NREP: variants seen among roughly 807,000 people sequenced by gnomAD.
The protein encoded by NREP is neuronal regeneration-related protein.
NREP carries 5 observed loss-of-function variants against 8.6 expected under a neutral mutation model. The ratio of observed to expected loss-of-function variants is 0.58; its 90% CI spans 0.30 to 1.22. NREP has a LOEUF of 1.22. Ranked by LOEUF, NREP falls within the 50% of genes most tolerant of loss-of-function variation. The pLI is 0.07. For synonymous variants in NREP, 27 were observed against 28.0 expected, an observed-to-expected ratio of 0.96 and a Z score of 0.11; for missense variants, 86 against 82.5, an observed-to-expected ratio of 1.04 and a Z score of -0.17.
chr5:111,910,826 C>T (rs1483487787), intron 2 of NREP, among the ~76,000 whole-genome samples: 1 of 152,020 alleles, frequency 6.6e-6, no homozygotes, highest in Non-Finnish European at 1.5e-5. Context: ...CTTATTAAAG[C>T]AAAAGTTTCA....
chr5:111,943,189 G>A (rs971572199), intron 2 of NREP, among the ~76,000 whole-genome samples: 1 of 152,020 alleles, frequency 6.6e-6, no homozygotes, highest in Non-Finnish European at 1.5e-5. Context: ...AAAGCTGCCT[G>A]CTATTAGTCA....
At chr5:111,936,577 A>G (rs1755689150) in intron 2 of NREP, among the ~76,000 whole-genome samples, 1 of 152,084 alleles carries the variant, frequency 6.6e-6, no homozygotes, top group Admixed American at 6.6e-5. Flanking sequence ...TATCTGCAAC[A>G]ATCCTATTTC....
At chr5:111,828,493 A>G (rs894006309) in intron 2 of NREP, among the ~76,000 whole-genome samples, 7 of 152,054 alleles carry the variant, frequency 4.6e-5, no homozygotes, top group Admixed American at 2.6e-4. Context: ...AAAAACCACA[A>G]ACAAATATTA....
At chr5:111,898,148 G>A (rs747994972) in intron 2 of NREP, among the ~76,000 whole-genome samples, 5 of 152,142 alleles carry the variant, frequency 3.3e-5, no homozygotes, top group Non-Finnish European at 7.4e-5. Flanking sequence ...TTTGAGCAGA[G>A]CAGTGGCGTA....
chr5:111,967,526 G>T (rs987261795), intron 2 of NREP, among the ~76,000 whole-genome samples: 3 of 152,120 alleles, frequency 2.0e-5, no homozygotes, highest in Non-Finnish European at 4.4e-5. Flanking sequence ...CATCAAGATT[G>T]ATTTTTCACT....
At chr5:111,865,687 T>C (rs1190357727) in intron 2 of NREP, among the ~76,000 whole-genome samples, 2 of 152,054 alleles carry the variant, frequency 1.3e-5, no homozygotes, top group African/African-American at 2.4e-5. Flanking sequence ...GTCATCAGAG[T>C]TCCTGTCTTT....
intron 2 of NREP, among the ~76,000 whole-genome samples, chr5:111,908,666 C>T (rs1173094456): frequency 4.0e-5 from 6 of 151,610 alleles, no homozygotes; most frequent in Admixed American, 6.6e-5. Context: ...TTTTTTAATC[C>T]GATCCTCTGT....
At chr5:111,750,698 C>T (rs558859428) in intron 2 of NREP, among the ~76,000 whole-genome samples, 104 of 152,330 alleles carry the variant, frequency 6.8e-4, no homozygotes, top group African/African-American at 2.5e-3. Context: ...GAAATAGCTT[C>T]TACTGAACTA....
intron 2 of NREP, among the ~76,000 whole-genome samples, chr5:111,815,980 CAT>C (rs1266329276): frequency 9.2e-5 from 14 of 152,190 alleles, no homozygotes; most frequent in African/African-American, 1.2e-4. Flanking sequence ...GAATAAAAGA[CAT>C]ATGGCTTTCA....
chr5:111,763,666 A>G (rs563616071), intron 2 of NREP, among the ~76,000 whole-genome samples: 1 of 152,248 alleles, frequency 6.6e-6, no homozygotes, highest in African/African-American at 2.4e-5. Flanking sequence ...GATCTGCATC[A>G]TGGTACAAAA....
chr5:111,968,551 T>A (rs1756711182), intron 2 of NREP, among the ~76,000 whole-genome samples: 3 of 152,158 alleles, frequency 2.0e-5, no homozygotes, highest in African/African-American at 7.2e-5. Context: ...GATTTTTGGC[T>A]CTGTATAAGG....
chr5:111,795,311 T>A (rs770027245), intron 2 of NREP, among the ~76,000 whole-genome samples: 1 of 152,206 alleles, frequency 6.6e-6, no homozygotes, highest in African/African-American at 2.4e-5. Context: ...CTGTGATTCC[T>A]GTAGGAAACT....
At chr5:111,771,658 G>A (rs1304347527) in intron 2 of NREP, among the ~76,000 whole-genome samples, 3 of 151,864 alleles carry the variant, frequency 2.0e-5, no homozygotes, top group Non-Finnish European at 4.4e-5. Flanking sequence ...AGCTACTTGG[G>A]AGGCTGAGGC....
At chr5:111,731,167 T>C (rs1748521521) in intron 3 of NREP, 121 bp from the exon 4 acceptor site, 1 of 1,019,462 alleles carries the variant, frequency 9.8e-7, no homozygotes, top group South Asian at 1.7e-5. Flanking sequence ...ACCCTTGAAC[T>C]CTTGCTGTTT....
chr5:111,943,733 T>C (rs1326339910), intron 2 of NREP, among the ~76,000 whole-genome samples: 1 of 152,120 alleles, frequency 6.6e-6, no homozygotes, highest in Non-Finnish European at 1.5e-5. Flanking sequence ...ATCCTCTTTC[T>C]AACTGGAGGA....
At chr5:111,946,956 A>C (rs988248446) in intron 2 of NREP, among the ~76,000 whole-genome samples, 5 of 152,068 alleles carry the variant, frequency 3.3e-5, no homozygotes, top group African/African-American at 9.7e-5. Flanking sequence ...AAAAATAAGA[A>C]TATACTAGTC....
chr5:111,947,358 T>C (rs555476512), intron 2 of NREP, among the ~76,000 whole-genome samples: 2 of 152,026 alleles, frequency 1.3e-5, no homozygotes, highest in South Asian at 4.1e-4. Flanking sequence ...CTTAGTACTA[T>C]TAATAAGAAA....
intron 2 of NREP, among the ~76,000 whole-genome samples, chr5:111,915,291 G>A (rs965705471): frequency 5.3e-5 from 8 of 152,048 alleles, no homozygotes; most frequent in African/African-American, 1.2e-4. Flanking sequence ...ATTGTCCAGG[G>A]ACTTTGCCTG....
intron 2 of NREP, among the ~76,000 whole-genome samples, chr5:111,885,753 A>G (rs1341321699): frequency 6.6e-6 from 1 of 152,244 alleles, no homozygotes; most frequent in Non-Finnish European, 1.5e-5. Flanking sequence ...TGGTGCTGGG[A>G]AAACTGGCTA....
Sources: gnomAD v4.1 joint callset for allele counts (sites outside exome capture counted in the v4.1 genomes callset) on GRCh38, gnomAD v4.1.1 for gene constraint, MANE v1.5 for transcripts, NCBI Gene and HGNC (gene_info 2026-07-23, HGNC 2026-07-21) for gene names.